The following NEDD4L variants were observed in gnomAD, a reference collection of about 807,000 sequenced individuals.
NEDD4L encodes E3 ubiquitin-protein ligase NEDD4-like.
NEDD4L carries 54 observed loss-of-function variants against 148.9 expected under a neutral mutation model. The ratio of observed to expected loss-of-function variants is 0.36; its 90% CI spans 0.29 to 0.45. NEDD4L has a LOEUF of 0.45. Ranked by LOEUF, NEDD4L falls within the 20% of genes least tolerant of loss-of-function variation. The pLI, the probability that NEDD4L is intolerant of heterozygous loss-of-function variation, is 1.00. For synonymous variants in NEDD4L, 433 were observed against 440.7 expected (o/e 0.98, Z 0.22); for missense variants, 856 against 1,233.8 (o/e 0.69, Z 4.59).
At chr18:58,047,275 A>G (rs571485372) in intron 1 of NEDD4L, 12 of 984,426 alleles carry the variant, frequency 1.2e-5, no homozygotes, top group Non-Finnish European at 1.3e-5. Flanking sequence ...TTAGCAAAGT[A>G]GACACACATA....
intron 2 of NEDD4L, among the ~76,000 whole-genome samples, chr18:58,198,077 C>T (rs1033296953): frequency 6.6e-6 from 1 of 152,094 alleles, no homozygotes; most frequent in Non-Finnish European, 1.5e-5. Context: ...GTCTGGATGG[C>T]CTAGTAACTG....
At chr18:58,075,330 T>G (rs2083102592) in intron 1 of NEDD4L, among the ~76,000 whole-genome samples, 1 of 152,146 alleles carries the variant, frequency 6.6e-6, no homozygotes, top group Non-Finnish European at 1.5e-5. Flanking sequence ...TTTCTACTTT[T>G]TTAGTAAAGA....
intron 1 of NEDD4L, among the ~76,000 whole-genome samples, chr18:58,082,102 A>ATATATTT: frequency 9.2e-4 from 45 of 48,824 alleles, no homozygotes; most frequent in African/African-American, 5.1e-3. Flanking sequence ...ATATATATAT[A>ATATATTT]TTTTTTTTTT....
At chr18:58,308,591 G>A (rs1179747819) in intron 5 of NEDD4L, among the ~76,000 whole-genome samples, 1 of 152,250 alleles carries the variant, frequency 6.6e-6, no homozygotes, top group East Asian at 1.9e-4. Flanking sequence ...TTCACAGAGA[G>A]GAGAATAAAG....
chr18:58,269,208 AGAGT>A (rs1440438390), intron 5 of NEDD4L, among the ~76,000 whole-genome samples: 1 of 152,028 alleles, frequency 6.6e-6, no homozygotes, highest in Non-Finnish European at 1.5e-5. Context: ...AGTGGGAGGT[AGAGT>A]GTGTTAGCTG....
chr18:58,244,626 G>C (rs531680777), intron 2 of NEDD4L, among the ~76,000 whole-genome samples: 4 of 152,092 alleles, frequency 2.6e-5, no homozygotes, highest in Non-Finnish European at 5.9e-5. Flanking sequence ...AATCTCTCTT[G>C]ACTTTCTAGG....
intron 1 of NEDD4L, among the ~76,000 whole-genome samples, chr18:58,100,823 T>C (rs554467417): frequency 6.6e-5 from 10 of 152,332 alleles, no homozygotes; most frequent in African/African-American, 2.4e-4. Flanking sequence ...ATATTTTCTT[T>C]TGAGACAGGG....
At chr18:58,334,084 T>C in intron 12 of NEDD4L, 192 bp downstream of exon 12, 1 of 490,354 alleles carries the variant, frequency 2.0e-6, no homozygotes. Context: ...CACCCATCTC[T>C]AAAATGCTGG....
At chr18:58,186,051 G>A (rs1465508915) in intron 2 of NEDD4L, among the ~76,000 whole-genome samples, 1 of 151,902 alleles carries the variant, frequency 6.6e-6, no homozygotes, top group Non-Finnish European at 1.5e-5. Context: ...GTATGCACAC[G>A]CGCACAGAGA....
chr18:58,392,782 C>T (rs2050004149), intron 30 of NEDD4L, among the ~76,000 whole-genome samples: 4 of 152,174 alleles, frequency 2.6e-5, no homozygotes, highest in Admixed American at 2.6e-4. Flanking sequence ...TATGAAGGCA[C>T]CAGCGTTGAG....
intron 1 of NEDD4L, among the ~76,000 whole-genome samples, chr18:58,106,786 G>A (rs370402906): frequency 5.3e-5 from 8 of 152,244 alleles, no homozygotes; most frequent in African/African-American, 1.9e-4. Context: ...TACCTATTTT[G>A]CATGAGAGAC....
intron 1 of NEDD4L, among the ~76,000 whole-genome samples, chr18:58,055,308 G>C (rs571899446): frequency 1.2e-4 from 18 of 152,190 alleles, no homozygotes; most frequent in African/African-American, 4.3e-4. Context: ...CAAGAAAAAA[G>C]AAAAACTAAC....
chr18:58,045,521 T>C (rs9949110), intron 1 of NEDD4L: 152,055 of 165,668 alleles, frequency 0.92, 69,866 homozygotes, highest in East Asian at 1. Context: ...TTTACCTTCA[T>C]TCTCTCTTCC....
chr18:58,246,712 G>A (rs777421095), intron 3 of NEDD4L, among the ~76,000 whole-genome samples: 35 of 152,118 alleles, frequency 2.3e-4, no homozygotes, highest in Non-Finnish European at 4.3e-4. Context: ...TGATCCACCC[G>A]CCTTAGCCTC....
At chr18:58,226,740 T>A (rs992996480) in intron 2 of NEDD4L, among the ~76,000 whole-genome samples, 1 of 152,088 alleles carries the variant, frequency 6.6e-6, no homozygotes, top group African/African-American at 2.4e-5. Context: ...TGTACAAACC[T>A]CTCATCTCAT....
intron 1 of NEDD4L, among the ~76,000 whole-genome samples, chr18:58,096,562 C>CA (rs2084425378): frequency 6.6e-6 from 1 of 152,050 alleles, no homozygotes; most frequent in Admixed American, 6.6e-5. Flanking sequence ...CACCACAATG[C>CA]CTGGCTAATT....
rs901404943 is a variant in NEDD4L at position 58,054,382 on chromosome 18, A to G, written c.48+9674A>G. Among the ~76,000 whole-genome samples, 3 of 152,250 alleles carry G rather than the reference A, an allele frequency of 2.0e-5. No individual in the cohort carries two copies. The South Asian group carries it at 6.2e-4, about 32-fold the overall frequency. Reference sequence around the variant, plus strand: ...GTCTTTGGGTGTCCTCATCATGCTGACTTCATCTTGCCCAGTTTGTTTTGG... The same window carrying G: ...GTCTTTGGGTGTCCTCATCATGCTGGCTTCATCTTGCCCAGTTTGTTTTGG... On this transcript the variant is annotated intron_variant, in intron 1 of 30. Transcript: ENST00000400345.
At chr18:58,128,476 T>C (rs1019320537) in intron 1 of NEDD4L, among the ~76,000 whole-genome samples, 3 of 152,196 alleles carry the variant, frequency 2.0e-5, no homozygotes, top group African/African-American at 7.2e-5. Flanking sequence ...GAGTCAATTA[T>C]ACAGGCATCT....
At chr18:58,201,160 C>T (rs1349285276) in intron 2 of NEDD4L, among the ~76,000 whole-genome samples, 1 of 152,102 alleles carries the variant, frequency 6.6e-6, no homozygotes, top group Non-Finnish European at 1.5e-5. Flanking sequence ...TGGTGAAACC[C>T]CATCTCTACT....
Sources: allele counts gnomAD v4.1 joint callset (sites outside exome capture counted in the v4.1 genomes callset), GRCh38; gene constraint gnomAD v4.1.1; transcripts MANE v1.5; gene names NCBI Gene and HGNC (gene_info 2026-07-23, HGNC 2026-07-21).